The following FGF14 variants were observed in gnomAD, a reference collection of about 807,000 sequenced individuals.
FGF14 encodes the protein fibroblast growth factor 14, also known as fibroblast growth factor homologous factor 4.
FGF14 carries 5 observed loss-of-function variants against 25.5 expected under a neutral mutation model. That is an observed-to-expected ratio of 0.20 (90% CI 0.10 to 0.41). The LOEUF is 0.41. FGF14 is among the 10% of genes least tolerant of loss of function. FGF14 has a pLI of 1.00. For synonymous variants in FGF14, 138 were observed against 118.3 expected (o/e 1.17, Z -1.08); for missense variants, 222 against 320.1 (o/e 0.69, Z 2.34).
chr13:102,166,530 G>T (rs1007742473), intron 1 of FGF14, among the ~76,000 whole-genome samples: 1 of 152,110 alleles, frequency 6.6e-6, no homozygotes, highest in South Asian at 2.1e-4. Context: ...TCCTTTTTGA[G>T]TTCATTTAGT....
At position 102,069,161 on chromosome 13, in the gene FGF14, CCT is replaced by C. The variant is rs1160345444; in HGVS notation, c.209-193867_209-193866del. On this transcript the variant is annotated intron_variant, in intron 1 of 4. Transcript: ENST00000376131. The stretch of plus-strand genomic sequence containing the variant: ...GGTTCGTAAACACACCAATCAGCAC[CCT>C]GTGTTTAGCTCAAGGTTTGTGAGTG... 4.0e-5 allele frequency among the ~76,000 whole-genome samples: 6 copies of C among 151,844 alleles called. No individual in the cohort carries two copies. The East Asian group carries it at 9.7e-4, about 24-fold the overall frequency.
In FGF14 at chr13:101,714,505, C is replaced by T; in HGVS notation, c.*8326G>A. 6.2e-7 allele frequency: 1 copy of T among 1,612,270 alleles called. No individual in the cohort carries two copies. The highest frequency in any genetic ancestry group is 8.5e-7 in the Non-Finnish European group (1 of 1,178,400). ...GGTATATTTCTGGGGAGTTCTGTGA[C>T]TGTGATGACAGAGACTGCGACAAAC... is the stretch of plus-strand genomic sequence containing the variant. On this transcript the variant is annotated 3_prime_UTR_variant, in exon 5 of 5. Coordinates refer to ENST00000376143, the MANE Select transcript of FGF14 (RefSeq NM_004115.4).
intron 1 of FGF14, among the ~76,000 whole-genome samples, chr13:102,294,579 A>T (rs2054599086): frequency 6.6e-6 from 1 of 152,174 alleles, no homozygotes. Context: ...CGTGGCATCC[A>T]CTTGGCTTGA....
intron 1 of FGF14, among the ~76,000 whole-genome samples, chr13:102,317,650 T>C (rs1211910199): frequency 2.0e-5 from 3 of 152,162 alleles, no homozygotes; most frequent in Non-Finnish European, 4.4e-5. Context: ...GAGGCTTGAG[T>C]AAGCTGAGAA....
chr13:102,058,707 CTTCAG>C (rs2042546243), intron 1 of FGF14, among the ~76,000 whole-genome samples: 1 of 152,088 alleles, frequency 6.6e-6, no homozygotes, highest in African/African-American at 2.4e-5. Context: ...GTAATTTTCT[CTTCAG>C]TTAAGATGTC....
intron 3 of FGF14, among the ~76,000 whole-genome samples, chr13:101,799,087 A>G (rs2040721961): frequency 6.6e-6 from 1 of 152,154 alleles, no homozygotes; most frequent in Non-Finnish European, 1.5e-5. Context: ...AATGACTTCC[A>G]GCGAATTTTT....
intron 3 of FGF14, among the ~76,000 whole-genome samples, chr13:101,842,117 C>A (rs2043223941): frequency 1.3e-5 from 2 of 151,928 alleles, no homozygotes; most frequent in African/African-American, 2.4e-5. Context: ...CTAATCTTTG[C>A]TGAAGTATTT....
intron 1 of FGF14, among the ~76,000 whole-genome samples, chr13:102,255,453 GA>G (rs1281334212): frequency 1.3e-5 from 2 of 152,204 alleles, no homozygotes; most frequent in Non-Finnish European, 2.9e-5. Context: ...AAGCAGATGA[GA>G]GGGGGAAGCC....
intron 1 of FGF14, among the ~76,000 whole-genome samples, chr13:102,279,447 G>A (rs1594698649): frequency 6.6e-6 from 1 of 152,118 alleles, no homozygotes; most frequent in East Asian, 1.9e-4. Context: ...AATCAATTTA[G>A]TTGCCAGGGT....
chr13:101,778,317 C>T (rs2039267978), intron 3 of FGF14, among the ~76,000 whole-genome samples: 1 of 152,190 alleles, frequency 6.6e-6, no homozygotes, highest in Admixed American at 6.5e-5. Flanking sequence ...TTGTCCATCT[C>T]TTCCCAGTAC....
intron 1 of FGF14, among the ~76,000 whole-genome samples, chr13:101,961,287 C>T (rs1475615794): frequency 6.6e-6 from 1 of 151,464 alleles, no homozygotes; most frequent in Non-Finnish European, 1.5e-5. Context: ...AATGGTACTG[C>T]CTAGATTTTC....
At chr13:102,294,111 T>C (rs1326692054) in intron 1 of FGF14, 1 of 152,148 alleles carries the variant, frequency 6.6e-6, no homozygotes, top group African/African-American at 2.4e-5. Flanking sequence ...AAATGAAACA[T>C]AGCAGTTGTT....
At chr13:101,756,545 C>T (rs865826778) in intron 3 of FGF14, among the ~76,000 whole-genome samples, 16 of 152,002 alleles carry the variant, frequency 1.1e-4, no homozygotes, top group South Asian at 2.1e-4. Flanking sequence ...TCATCCTGGC[C>T]AACATGGTGA....
chr13:101,958,527 C>T (rs1174645122), intron 1 of FGF14, among the ~76,000 whole-genome samples: 1 of 152,156 alleles, frequency 6.6e-6, no homozygotes, highest in East Asian at 1.9e-4. Context: ...GCTCTCCTGG[C>T]TTGTGTTCTC....
At chr13:102,311,064 A>ATT (rs2055740015) in intron 1 of FGF14, among the ~76,000 whole-genome samples, 1 of 152,034 alleles carries the variant, frequency 6.6e-6, no homozygotes, top group Non-Finnish European at 1.5e-5. Flanking sequence ...ACAATTTAAA[A>ATT]AGGATTCGGT....
At chr13:102,242,430 G>A (rs1413642449) in intron 1 of FGF14, among the ~76,000 whole-genome samples, 1 of 152,070 alleles carries the variant, frequency 6.6e-6, no homozygotes, top group East Asian at 1.9e-4. Flanking sequence ...GCAAGTCCAA[G>A]ATCAGGGTCA....
intron 1 of FGF14, among the ~76,000 whole-genome samples, chr13:102,117,182 G>T (rs1375829955): frequency 6.6e-6 from 1 of 152,142 alleles, no homozygotes; most frequent in Non-Finnish European, 1.5e-5. Flanking sequence ...TGGTGCTGGT[G>T]GTTGGCCCAG....
At chr13:102,316,251 C>G (rs113445436) in intron 1 of FGF14, among the ~76,000 whole-genome samples, 12 of 152,330 alleles carry the variant, frequency 7.9e-5, no homozygotes, top group African/African-American at 1.4e-4. Flanking sequence ...TCATGGCATA[C>G]TATCATGTTA....
intron 3 of FGF14, among the ~76,000 whole-genome samples, chr13:101,849,592 C>T (rs986829243): frequency 2.6e-5 from 4 of 152,002 alleles, no homozygotes; most frequent in African/African-American, 9.7e-5. Context: ...GTATGACTTA[C>T]GTATGCGACC....
Sources: gnomAD v4.1 joint callset for allele counts (sites outside exome capture counted in the v4.1 genomes callset) on GRCh38, gnomAD v4.1.1 for gene constraint, MANE v1.5 for transcripts, NCBI Gene and HGNC (gene_info 2026-07-23, HGNC 2026-07-21) for gene names.